The following UPF1 variants were observed in gnomAD, a reference collection of about 807,000 sequenced individuals.
UPF1 encodes the protein regulator of nonsense transcripts 1.
Under a neutral mutation model 129.2 loss-of-function variants are expected in UPF1, and 9 were observed. The observed-to-expected ratio is 0.07, with a 90% CI of 0.04 to 0.12. The LOEUF (loss-of-function observed/expected upper bound fraction) is 0.12, where lower values mean the gene tolerates loss of function less well. Ranked by LOEUF, UPF1 falls within the 10% of genes least tolerant of loss-of-function variation. The probability of loss-of-function intolerance (pLI) is 1.00; values close to 1 mark genes in which losing one functional copy is unlikely to be tolerated. For missense variants in UPF1, 788 were observed against 1,525.3 expected, an observed-to-expected ratio of 0.52 and a Z score of 8.05; for synonymous variants, 649 against 644.9, an observed-to-expected ratio of 1.01 and a Z score of -0.10.
rs1161701792 is a variant in UPF1, at chr19:18,854,869, C to T, written c.1266-10C>T. On this transcript the variant is annotated splice_polypyrimidine_tract_variant and intron_variant, in intron 9 of 23. Transcript: ENST00000262803. ...CTGTGCGTGTCGCCAACCCCAAACC[C>T]TCCTCACAGGATGCAGAGCGCATTG... 6.2e-7 allele frequency: 1 copy of T among 1,614,048 alleles called. No homozygotes were observed. The highest frequency in any genetic ancestry group is 8.5e-7 in the Non-Finnish European group (1 of 1,179,952).
At position 18,853,388 on chromosome 19, in the gene UPF1, G is replaced by C; in HGVS notation, c.1156+38G>C. 3 of 1,556,158 alleles carry C rather than the reference G, an allele frequency of 1.9e-6. No homozygotes were observed. In the South Asian group the frequency reaches 3.6e-5, roughly 19 times the overall value. ...TGAAGAGGGTGTGGCCGGCTGGTGG[G>C]AGAGGAAAGTGGGGGCATCAGGTGG... On this transcript the variant is annotated intron_variant, in intron 8 of 23. Coordinates refer to ENST00000262803, the MANE Select transcript of UPF1 (RefSeq NM_002911.4). This position sits in a 1 kb window ranked among gnomAD's most constrained non-coding sequence, Gnocchi z 4.4.
At position 18,862,001 on chromosome 19, in the gene UPF1, C is replaced by T. The variant is rs765152075; in HGVS notation, c.2458-9C>T. ...GCTGGCTGATAGTGACCACAAAGCT[C>T]CCTTCCAGGAGGTGGAGATCGCCAG... is the stretch of plus-strand genomic sequence containing the variant. On this transcript the variant is annotated splice_polypyrimidine_tract_variant and intron_variant, in intron 17 of 23. Transcript: ENST00000262803. 5 of 1,613,564 alleles carry T rather than the reference C, an allele frequency of 3.1e-6. No individual in the cohort carries two copies. The highest frequency in any genetic ancestry group is 4.2e-6 in the Non-Finnish European group (5 of 1,179,954).
rs2055865162 is a variant in UPF1, at chr19:18,867,433, G to A, written c.*916G>A. The A allele has an allele frequency of 6.6e-6, 1 of 152,368 alleles. No individual in the cohort carries two copies. Among genetic ancestry groups the A allele is most frequent in the South Asian group, 2.1e-4 (1 of 4,838 alleles). 9.4% of individuals were successfully genotyped at this position (152,368 alleles called of 1,614,324 possible). ...CCCCATTGCGAGGGGCCTTGGCCAGGACTGGCCCTGTGGCCAGGAGGCGAG... is the reference window on the plus strand; with the variant it reads ...CCCCATTGCGAGGGGCCTTGGCCAGAACTGGCCCTGTGGCCAGGAGGCGAG... On this transcript the variant is annotated 3_prime_UTR_variant, in exon 24 of 24. Coordinates refer to ENST00000262803, the MANE Select transcript of UPF1 (RefSeq NM_002911.4).
Position 18,854,819 on chromosome 19 carries a change from C to A in UPF1, c.1266-60C>A, listed in dbSNP as rs1236083644. 3 of 1,608,088 alleles carry A rather than the reference C, an allele frequency of 1.9e-6. No individual in the cohort carries two copies. The African/African-American group carries it at 4.0e-5, about 21-fold the overall frequency. On this transcript the variant is annotated intron_variant, in intron 9 of 23. Transcript: ENST00000262803. ...GGTTCCCCACCCAGCTCTGCAAACT[C>A]AGGATGTCGGAGAGGCGGCCACAGC...
rs1325325040 is a variant in UPF1 at position 18,832,472 on chromosome 19, G to A, written c.231+32G>A. 2 of 998,172 alleles carry A rather than the reference G, an allele frequency of 2.0e-6. No individual in the cohort carries two copies. Among genetic ancestry groups the A allele is most frequent in the African/African-American group, 3.5e-5 (2 of 57,390 alleles). 61.8% of individuals were successfully genotyped at this position (998,172 alleles called of 1,614,324 possible). On this transcript the variant is annotated intron_variant, in intron 1 of 23. Coordinates refer to ENST00000262803, the MANE Select transcript of UPF1 (RefSeq NM_002911.4). This position sits in a 1 kb window ranked among gnomAD's most constrained non-coding sequence, Gnocchi z 5.6. ...GGCACATGGCGGTGCCGGAAGCCCG[G>A]GCCCGGCCTCGGCGCCTGAGACCTG...
At chr19:18,839,770 C>T (rs2055521938) in intron 1 of UPF1, among the ~76,000 whole-genome samples, 1 of 152,226 alleles carries the variant, frequency 6.6e-6, no homozygotes. Context: ...GGACTGAGGG[C>T]AGTGAGGCCA....
intron 1 of UPF1, among the ~76,000 whole-genome samples, chr19:18,835,880 T>C (rs1425556582): frequency 6.6e-6 from 1 of 152,178 alleles, no homozygotes; most frequent in Non-Finnish European, 1.5e-5. Context: ...TGCAAGACTG[T>C]TTTCCAGTGT....
At chr19:18,833,556 G>A (rs1228171347) in intron 1 of UPF1, among the ~76,000 whole-genome samples, 1 of 152,008 alleles carries the variant, frequency 6.6e-6, no homozygotes, top group Non-Finnish European at 1.5e-5. Context: ...GCCTGGGGTG[G>A]GAGAGGGGCT....
intron 13 of UPF1, 111 bp from the exon 14 acceptor site, chr19:18,856,766 T>C (rs1414206915): frequency 4.2e-6 from 6 of 1,421,344 alleles, no homozygotes; most frequent in Middle Eastern, 5.2e-4. Flanking sequence ...TTTTTTATAG[T>C]GTCAGGGAGG....
At position 18,855,817 on chromosome 19, in the gene UPF1, C is replaced by T. The variant is rs2055710896; in HGVS notation, c.1545-108C>T. The T allele has an allele frequency of 1.9e-5, 28 of 1,450,242 alleles. No homozygotes were observed. In the South Asian group the frequency reaches 3.7e-4, roughly 19 times the overall value. The allele number at this position is 1,450,242 out of a possible 1,614,324, so 89.8% of individuals were successfully genotyped here. On this transcript the variant is annotated intron_variant, in intron 11 of 23. Transcript: ENST00000262803. ...TAGCTGAGATCACACCACTGCACTC[C>T]AGCCTGGGCAACAGAGCAAGACCCT...
chr19:18,861,017 G>A, intron 17 of UPF1, 35 bp downstream of exon 17: 1 of 1,544,522 alleles, frequency 6.5e-7, no homozygotes, highest in Non-Finnish European at 8.7e-7. Context: ...TGGTCTCCTG[G>A]GCCATGCAAG....
intron 2 of UPF1, among the ~76,000 whole-genome samples, 169 bp from the exon 3 acceptor site, chr19:18,847,575 T>G (rs548196873): frequency 1.3e-5 from 2 of 152,242 alleles, no homozygotes; most frequent in Non-Finnish European, 2.9e-5. Flanking sequence ...TTCTTGGATT[T>G]GAGAAGCCCT....
intron 17 of UPF1, among the ~76,000 whole-genome samples, chr19:18,861,583 A>T (rs2055779831): frequency 6.6e-6 from 1 of 152,232 alleles, no homozygotes; most frequent in Non-Finnish European, 1.5e-5. Flanking sequence ...CTGGAGTCCC[A>T]GCACTTTGGG....
intron 13 of UPF1, 27 bp from the exon 14 acceptor site, chr19:18,856,850 C>G (rs2055724094): frequency 6.3e-7 from 1 of 1,598,202 alleles, no homozygotes. Flanking sequence ...AGTGCAGGTG[C>G]CCTGATGCCT....
chr19:18,852,414 C>G, intron 6 of UPF1, 118 bp downstream of exon 6: 1 of 1,441,174 alleles, frequency 6.9e-7, no homozygotes, highest in East Asian at 2.5e-5. Flanking sequence ...GCTGCAGCCG[C>G]GACACCTGAG....
At chr19:18,843,973 C>T (rs556059892) in intron 1 of UPF1, among the ~76,000 whole-genome samples, 1 of 152,160 alleles carries the variant, frequency 6.6e-6, no homozygotes, top group African/African-American at 2.4e-5. Context: ...GTCTTGAGAA[C>T]TCCCGGGCTC....
chr19:18,858,810 T>G (rs1473024905), intron 15 of UPF1, among the ~76,000 whole-genome samples: 4 of 152,168 alleles, frequency 2.6e-5, no homozygotes, highest in African/African-American at 7.2e-5. Flanking sequence ...TAACACGTAA[T>G]GGGTTATTTT....
In UPF1 at chr19:18,855,017, C is replaced by T. The variant is rs144165107; in HGVS notation, c.1404C>T (p.Leu468=). The T allele has an allele frequency of 2.1e-4, 336 of 1,614,020 alleles. No homozygotes were observed. The highest frequency in any genetic ancestry group is 2.7e-4 in the Non-Finnish European group (313 of 1,180,022). ...QLPKRFTAQG[L]PDLNHSQVYA... ...CCAAGCGCTTCACGGCGCAGGGCCT[C>T]CCCGACCTCAACCACTCCCAGGTGC... Residue 468 remains leucine, a synonymous_variant, in exon 10 of 24, where the codon CTC becomes CTT. Transcript: ENST00000262803.
chr19:18,852,106 G>T (rs369216621), intron 5 of UPF1, 29 bp from the exon 6 acceptor site: 6 of 1,573,970 alleles, frequency 3.8e-6, no homozygotes, highest in Non-Finnish European at 5.2e-6. Flanking sequence ...AAAACAGGAC[G>T]AGTGTGGCGC....
Sources: gnomAD v4.1 joint callset for allele counts (sites outside exome capture counted in the v4.1 genomes callset) on GRCh38, gnomAD v4.1.1 for gene constraint, Gnocchi (gnomAD v3.1) non-coding constraint, MANE v1.5 for transcripts, NCBI Gene and HGNC (gene_info 2026-07-23, HGNC 2026-07-21) for gene names.